The following MRPL19 variants were observed in gnomAD, a reference collection of about 807,000 sequenced individuals.
The protein encoded by MRPL19 is large ribosomal subunit protein bL19m.
A neutral mutation model predicts 34.0 loss-of-function variants in MRPL19; 31 were observed. The observed-to-expected ratio is 0.91, with a 90% CI of 0.68 to 1.23. The LOEUF is 1.23. MRPL19 is among the 50% of genes most tolerant of loss of function. MRPL19 has a pLI of 0.00. For synonymous variants in MRPL19, 152 were observed against 127.7 expected, an observed-to-expected ratio of 1.19 and a Z score of -1.28; for missense variants, 384 against 367.6, an observed-to-expected ratio of 1.04 and a Z score of -0.37.
In MRPL19 at chr2:75,654,935, G is replaced by T. The variant is rs759470608; in HGVS notation, c.657+18G>T. 2 of 1,571,734 alleles carry T rather than the reference G, an allele frequency of 1.3e-6. No homozygotes were observed. The highest frequency in any genetic ancestry group is 1.4e-5 in the African/African-American group (1 of 72,268). On this transcript the variant is annotated intron_variant, in intron 5 of 5. Transcript: ENST00000393909. ...TTAATGAGGTATGGGTTATACATTT[G>T]AAACTAGAAGTTCAAGTATAAAATA...
intron 3 of MRPL19, 34 bp from the exon 4 acceptor site, chr2:75,652,489 G>GA (rs539358492): frequency 1.5e-5 from 24 of 1,600,216 alleles, no homozygotes; most frequent in Admixed American, 3.5e-5. Flanking sequence ...TGGGTGTGCT[G>GA]AAAAAAAAGT....
chr2:75,648,108 G>C (rs981829660), intron 2 of MRPL19, among the ~76,000 whole-genome samples: 2 of 151,948 alleles, frequency 1.3e-5, no homozygotes, highest in African/African-American at 4.8e-5. Context: ...AGTAAACTTG[G>C]AGTTAGAGAA....
chr2:75,651,023 A>C (rs529759236), intron 2 of MRPL19, among the ~76,000 whole-genome samples: 1 of 152,328 alleles, frequency 6.6e-6, no homozygotes, highest in East Asian at 1.9e-4. Flanking sequence ...TTCTTACAGC[A>C]TAAACAAGCT....
At chr2:75,652,704 G>A (rs1353671294) in intron 4 of MRPL19, 47 bp downstream of exon 4, 8 of 1,570,874 alleles carry the variant, frequency 5.1e-6, no homozygotes, top group Non-Finnish European at 6.9e-6. Context: ...TGTTATCTCA[G>A]GATTCCTTTT....
In MRPL19 at chr2:75,659,370, CT is replaced by C. The variant is rs1382669697; in HGVS notation, c.*4089del. Among the ~76,000 whole-genome samples the C allele has an allele frequency of 2.0e-5, 3 of 151,998 alleles. No individual in the cohort carries two copies. The highest frequency in any genetic ancestry group is 7.2e-5 in the African/African-American group (3 of 41,382). ...TTTATAGTTATTTGTATGAGTTTGT[CT>C]TTTAAATCATTTAGGAAATAAAAAG... On this transcript the variant is annotated 3_prime_UTR_variant, in exon 6 of 6. Transcript: ENST00000393909.
chr2:75,648,711 A>G (rs937993112), intron 2 of MRPL19, among the ~76,000 whole-genome samples: 2 of 151,996 alleles, frequency 1.3e-5, no homozygotes, highest in Non-Finnish European at 2.9e-5. Context: ...GTACAAAAAA[A>G]AAAAAAAATT....
At chr2:75,648,901 A>T (rs1216281043) in intron 2 of MRPL19, among the ~76,000 whole-genome samples, 1 of 152,190 alleles carries the variant, frequency 6.6e-6, no homozygotes, top group Non-Finnish European at 1.5e-5. Context: ...ATACGAAACA[A>T]TATATGTTGC....
chr2:75,652,839 G>A (rs949316962), intron 4 of MRPL19, among the ~76,000 whole-genome samples, 182 bp downstream of exon 4: 1 of 152,124 alleles, frequency 6.6e-6, no homozygotes, highest in Non-Finnish European at 1.5e-5. Context: ...TATGGTTGAT[G>A]GACTTCTTTC....
chr2:75,646,795 T>A lies in MRPL19; in HGVS notation c.-13T>A. 6.7e-7 allele frequency: 1 copy of A among 1,493,614 alleles called. No individual in the cohort carries two copies. The highest frequency in any genetic ancestry group is 8.9e-7 in the Non-Finnish European group (1 of 1,119,056). The allele number at this position is 1,493,614 out of a possible 1,614,324, so 92.5% of individuals were successfully genotyped here. A position where few individuals can be genotyped will look rare whatever the true frequency, so the allele number is the denominator to read the frequency against. On this transcript the variant is annotated 5_prime_UTR_variant, in exon 1 of 6. Transcript: ENST00000393909. ...ATTACTGGGAGCTGTAGTCTTGACG[T>A]GAGCTAGCTGGCATGGCGGCCTGCA...
chr2:75,655,368 AAGAACATAGTAATTAAGTG>A lies in MRPL19; in HGVS notation c.*85_*103del. On this transcript the variant is annotated 3_prime_UTR_variant, in exon 6 of 6. Transcript: ENST00000393909. Reference sequence around the variant, plus strand: ...TTGAGACCAATTTAATTTCATTTATAAGAACATAGTAATTAAGTGAACTAAGCATTCATTGTTTTATTAA... The same window carrying A: ...TTGAGACCAATTTAATTTCATTTATAAACTAAGCATTCATTGTTTTATTAA... The A allele has an allele frequency of 9.8e-7, 1 of 1,022,582 alleles. No homozygotes were observed. Among genetic ancestry groups the A allele is most frequent in the Non-Finnish European group, 1.4e-6 (1 of 693,974 alleles). The allele number at this position is 1,022,582 out of a possible 1,614,324, so 63.3% of individuals were successfully genotyped here.
intron 1 of MRPL19, 42 bp from the exon 2 acceptor site, chr2:75,647,060 G>T: frequency 6.5e-7 from 1 of 1,539,192 alleles, no homozygotes; most frequent in Non-Finnish European, 8.8e-7. Flanking sequence ...GGGATCTCAG[G>T]GTTGGCACGA....
intron 2 of MRPL19, chr2:75,651,237 C>T (rs1032515715): frequency 2.4e-5 from 11 of 457,918 alleles, no homozygotes; most frequent in South Asian, 6.7e-5. Context: ...CCCTCCCACC[C>T]GCACCTGTCA....
At chr2:75,647,267 CG>C in intron 2 of MRPL19, 48 bp downstream of exon 2, 1 of 1,520,488 alleles carries the variant, frequency 6.6e-7, no homozygotes, top group Non-Finnish European at 8.9e-7. Flanking sequence ...TCGGTGCGCG[CG>C]TGAGCGCGTT....
chr2:75,647,401 T>C (rs1678248092), intron 2 of MRPL19, 182 bp downstream of exon 2: 1 of 594,658 alleles, frequency 1.7e-6, no homozygotes, highest in Non-Finnish European at 2.9e-6. Flanking sequence ...AAGCCAGCAT[T>C]GAACTTCTTT....
chr2:75,659,855 T>C lies in MRPL19; in HGVS notation c.*4570T>C, dbSNP rs569554743. ...TATAACGCGGCTCAGTGTGGGTCTC[T>C]GAGTTTATCCCACTTAGAGTTTGTT... On this transcript the variant is annotated 3_prime_UTR_variant, in exon 6 of 6. Coordinates refer to ENST00000393909, the MANE Select transcript of MRPL19 (RefSeq NM_014763.4). 6.6e-6 allele frequency among the ~76,000 whole-genome samples: 1 copy of C among 152,290 alleles called. No homozygotes were observed. Among genetic ancestry groups the C allele is most frequent in the East Asian group, 1.9e-4 (1 of 5,188 alleles).
Position 75,660,260 on chromosome 2 carries a change from C to T in MRPL19, c.*4975C>T, listed in dbSNP as rs1347827207. The stretch of plus-strand genomic sequence containing the variant: ...ATTTTGTTCATATGTCTCTTTCTTC[C>T]TTTAGTTCTTTGTCCATGTTTTCCT... On this transcript the variant is annotated 3_prime_UTR_variant, in exon 6 of 6. Transcript: ENST00000393909. 4.6e-5 allele frequency among the ~76,000 whole-genome samples: 7 copies of T among 151,978 alleles called. No homozygotes were observed. The highest frequency in any genetic ancestry group is 8.8e-5 in the Non-Finnish European group (6 of 67,984).
At chr2:75,652,985 G>A (rs906019101) in intron 4 of MRPL19, among the ~76,000 whole-genome samples, 5 of 152,182 alleles carry the variant, frequency 3.3e-5, no homozygotes, top group Non-Finnish European at 5.9e-5. Context: ...TAACCCATGA[G>A]TAAAACTTTA....
At chr2:75,647,321 C>G in intron 2 of MRPL19, 102 bp downstream of exon 2, 14 of 1,061,208 alleles carry the variant, frequency 1.3e-5, no homozygotes, top group Non-Finnish European at 1.9e-5. Context: ...TGCACCTCCC[C>G]CTGCACGAGC....
In MRPL19 at chr2:75,652,426, C is replaced by T. The variant is rs1024454625; in HGVS notation, c.341-97C>T. 1.4e-5 allele frequency: 20 copies of T among 1,445,010 alleles called. No individual in the cohort carries two copies. In the East Asian group the frequency reaches 4.6e-4, roughly 33 times the overall value. The allele number at this position is 1,445,010 out of a possible 1,614,324, so 89.5% of individuals were successfully genotyped here. On this transcript the variant is annotated intron_variant, in intron 3 of 5. Coordinates refer to ENST00000393909, the MANE Select transcript of MRPL19 (RefSeq NM_014763.4). ...TAAAACATTTAGGAAGTTAAGTTAT[C>T]TAGAAATGCTATTTGTTTGTTTCTG...
Sources: allele counts gnomAD v4.1 joint callset (sites outside exome capture counted in the v4.1 genomes callset), GRCh38; gene constraint gnomAD v4.1.1; transcripts MANE v1.5; gene names NCBI Gene and HGNC (gene_info 2026-07-23, HGNC 2026-07-21).